The following ZNF717 variants were observed in gnomAD, a reference collection of about 807,000 sequenced individuals.
The protein encoded by ZNF717 is krueppel-like factor X17.
In ZNF717, 9 loss-of-function variants were observed where a neutral mutation model predicts 13.8. That is an observed-to-expected ratio of 0.65 (90% confidence interval 0.39 to 1.14). The LOEUF (loss-of-function observed/expected upper bound fraction) is 1.14, where lower values mean the gene tolerates loss of function less well. Among genes scored for constraint, ZNF717 ranks in the 50% most tolerant of loss-of-function variants. The probability of loss-of-function intolerance (pLI) is 0.01; values close to 1 mark genes in which losing one functional copy is unlikely to be tolerated. For synonymous variants in ZNF717, 327 were observed against 364.1 expected (o/e 0.90, Z 1.16); for missense variants, 1,040 against 1,080.7 (o/e 0.96, Z 0.53).
Position 75,739,178 on chromosome 3 carries a change from C to T in ZNF717, c.445G>A (p.Gly149Arg), listed in dbSNP as rs1430656978. ...CCAGGCTTCATTCCTGAACTGTTTC[C>T]ATTATTTATAATCAGATTTAAAACA... ...NHVLNLIINN[G>R]NSSGMKPGQF... The change falls in exon 5 of 5, where the codon GGA becomes AGA. Residue 149 changes from glycine (G) to arginine (R), a missense_variant. Coordinates refer to ENST00000652011, the MANE Select transcript of ZNF717 (RefSeq NM_001290208.3). 6.4e-7 allele frequency: 1 copy of T among 1,551,056 alleles called. No homozygotes were observed. The highest frequency in any genetic ancestry group is 1.4e-5 in the African/African-American group (1 of 73,040).
chr3:75,714,515 A>G (rs1938008540), intron 5 of ZNF717, among the ~76,000 whole-genome samples: 1 of 152,026 alleles, frequency 6.6e-6, no homozygotes, highest in Non-Finnish European at 1.5e-5. Context: ...ATTCATTTAT[A>G]ATCATATGTA....
intron 6 of ZNF717, among the ~76,000 whole-genome samples, chr3:75,695,089 A>G (rs1470299198): frequency 6.6e-6 from 1 of 152,272 alleles, no homozygotes; most frequent in Non-Finnish European, 1.5e-5. Context: ...CCTACAAAAA[A>G]CATACTTTAC....
In ZNF717 at chr3:75,736,760, T is replaced by C; in HGVS notation, c.*118A>G. On this transcript the variant is annotated 3_prime_UTR_variant, in exon 5 of 5. Coordinates refer to ENST00000652011, the MANE Select transcript of ZNF717 (RefSeq NM_001290208.3). ...GCATGATAGGACTTCTGTTACAGCA[T>C]GGTTAAGACCTTCTTGTTGGTAGGC... 9.0e-7 allele frequency: 1 copy of C among 1,111,556 alleles called. No individual in the cohort carries two copies. The highest frequency in any genetic ancestry group is 2.9e-5 in the Admixed American group (1 of 34,422). The allele number at this position is 1,111,556 out of a possible 1,614,324, so 68.9% of individuals were successfully genotyped here.
Position 75,737,344 on chromosome 3 carries a change from C to T in ZNF717, c.2279G>A (p.Cys760Tyr). The change falls in exon 5 of 5, where the codon TGT (cysteine) becomes TAT (tyrosine). Residue 760 changes from cysteine (C) to tyrosine (Y), a missense_variant. Physicochemically the swap from Cys to Tyr is radical, Grantham distance 194. Transcript: ENST00000652011. ...RTHTGEKPYE[C>Y]NECGKTFCHK... ...ACAAAAGGTTTTCCCACACTCATTA[C>T]ATTCATAAGGTTTTTCTCCGGTATG... 6.4e-7 allele frequency: 1 copy of T among 1,552,620 alleles called. No homozygotes were observed. The highest frequency in any genetic ancestry group is 8.7e-7 in the Non-Finnish European group (1 of 1,147,556).
At chr3:75,766,488 A>C (rs1002541976) in intron 2 of ZNF717, among the ~76,000 whole-genome samples, 1 of 152,208 alleles carries the variant, frequency 6.6e-6, no homozygotes, top group African/African-American at 2.4e-5. Context: ...TAAAATTATA[A>C]ATTGTGCCTC....
chr3:75,698,452 C>T (rs796079516), intron 6 of ZNF717, among the ~76,000 whole-genome samples: 3 of 152,296 alleles, frequency 2.0e-5, no homozygotes, highest in African/African-American at 7.2e-5. Flanking sequence ...AGGCCCAGGA[C>T]ATGCTGCCTT....
intron 2 of ZNF717, among the ~76,000 whole-genome samples, chr3:75,751,424 G>A (rs1414807453): frequency 6.1e-5 from 9 of 148,756 alleles, no homozygotes; most frequent in African/African-American, 2.0e-4. Context: ...ACCCCATGTA[G>A]TACTCAAGAA....
chr3:75,745,911 A>G (rs368371190), intron 2 of ZNF717, among the ~76,000 whole-genome samples: 28 of 151,956 alleles, frequency 1.8e-4, no homozygotes, highest in East Asian at 9.6e-4. Context: ...TCTAGGATAC[A>G]TGTGCACAAC....
At chr3:75,771,095 T>A (rs1943840150) in intron 2 of ZNF717, among the ~76,000 whole-genome samples, 1 of 152,206 alleles carries the variant, frequency 6.6e-6, no homozygotes. Context: ...AAAACCTAAC[T>A]TAAGAGTATG....
intron 2 of ZNF717, among the ~76,000 whole-genome samples, chr3:75,774,396 T>G (rs1048507635): frequency 2.0e-5 from 3 of 152,096 alleles, no homozygotes; most frequent in South Asian, 2.1e-4. Context: ...AAATCAAATT[T>G]CAACTTCAAA....
chr3:75,772,955 T>C lies in ZNF717; in HGVS notation c.57+10351A>G, dbSNP rs140120564. ...TTTGAGCTGAGTTTCTTTGAGCAAATTTCTGTTCCAAATAGGCTTTAGAAG... is the reference window on the plus strand; with the variant it reads ...TTTGAGCTGAGTTTCTTTGAGCAAACTTCTGTTCCAAATAGGCTTTAGAAG... On this transcript the variant is annotated intron_variant, in intron 2 of 4. Transcript: ENST00000652011. Among the ~76,000 whole-genome samples the C allele has an allele frequency of 2.2e-4, 34 of 152,330 alleles. No homozygotes were observed. In the East Asian group the frequency reaches 6.4e-3, roughly 29 times the overall value.
chr3:75,746,906 G>A (rs2107306296), intron 2 of ZNF717, among the ~76,000 whole-genome samples: 1 of 152,292 alleles, frequency 6.6e-6, no homozygotes, highest in South Asian at 2.1e-4. Flanking sequence ...TGTTGCCATT[G>A]CTTTTGGTGT....
chr3:75,768,485 C>CG (rs1943662190), intron 2 of ZNF717, among the ~76,000 whole-genome samples: 2 of 99,206 alleles, frequency 2.0e-5, no homozygotes, highest in African/African-American at 4.0e-5. Flanking sequence ...TGAGTGTGTG[C>CG]GGGGGCAGAT....
At chr3:75,711,776 T>C (rs1314566324) in intron 5 of ZNF717, among the ~76,000 whole-genome samples, 1 of 152,208 alleles carries the variant, frequency 6.6e-6, no homozygotes, top group Non-Finnish European at 1.5e-5. Flanking sequence ...AATTCTGTGT[T>C]CAAGAGTATT....
intron 2 of ZNF717, among the ~76,000 whole-genome samples, chr3:75,763,632 C>A (rs1161400655): frequency 2.0e-5 from 3 of 152,248 alleles, no homozygotes; most frequent in African/African-American, 7.2e-5. Context: ...AGTGCTAGTT[C>A]TCTGCCAACC....
Position 75,746,437 on chromosome 3 carries a change from C to G in ZNF717, c.58-4701G>C, listed in dbSNP as rs78521296. ...GGGTCAAATGGTATTTCTAGTTCTA[C>G]GTCCCTGAGGAATCACCACACTGTC... On this transcript the variant is annotated intron_variant, in intron 2 of 4. Coordinates refer to ENST00000652011, the MANE Select transcript of ZNF717 (RefSeq NM_001290208.3). Among the ~76,000 whole-genome samples the G allele has an allele frequency of 5.4e-3, 828 of 152,206 alleles. 5 individuals are homozygous for G. Among genetic ancestry groups the G allele is most frequent in the South Asian group, 0.021 (100 of 4,810 alleles).
chr3:75,744,578 C>CTACT (rs1160775106), intron 2 of ZNF717, among the ~76,000 whole-genome samples: 1 of 152,150 alleles, frequency 6.6e-6, no homozygotes, highest in Non-Finnish European at 1.5e-5. Flanking sequence ...AAACTCAAAC[C>CTACT]GTAACTGGTG....
downstream of ZNF717, among the ~76,000 whole-genome samples, chr3:75,728,733 G>C (rs1193600775): frequency 2.6e-5 from 4 of 152,368 alleles, no homozygotes; most frequent in African/African-American, 9.6e-5. Flanking sequence ...GGCCTCCCCA[G>C]CCATGCAGAG....
At chr3:75,724,026 TA>T (rs1284836469) in intron 4 of ZNF717, among the ~76,000 whole-genome samples, 1 of 151,948 alleles carries the variant, frequency 6.6e-6, no homozygotes, top group Non-Finnish European at 1.5e-5. Context: ...GTGAAAGTAC[TA>T]AAAGTCTTTG....
Sources: gnomAD v4.1 joint callset for allele counts (sites outside exome capture counted in the v4.1 genomes callset) on GRCh38, gnomAD v4.1.1 for gene constraint, MANE v1.5 for transcripts, NCBI Gene and HGNC (gene_info 2026-07-23, HGNC 2026-07-21) for gene names.